The following RTF1 variants were observed in gnomAD, a reference collection of about 807,000 sequenced individuals.
RTF1 encodes the protein RTF1 homolog, Paf1/RNA polymerase II complex component.
RTF1 carries 10 observed loss-of-function variants against 95.7 expected under a neutral mutation model. The observed-to-expected ratio is 0.10, with a 90% confidence interval of 0.06 to 0.18. RTF1 has a LOEUF of 0.18. Among genes scored for constraint, RTF1 ranks in the 10% least tolerant of loss-of-function variants. RTF1 has a pLI of 1.00. For missense variants in RTF1, 458 were observed against 875.6 expected, an observed-to-expected ratio of 0.52 and a Z score of 6.02; for synonymous variants, 305 against 311.8, an observed-to-expected ratio of 0.98 and a Z score of 0.23.
At chr15:41,432,625 T>A (rs2050681088) in intron 1 of RTF1, among the ~76,000 whole-genome samples, 1 of 152,060 alleles carries the variant, frequency 6.6e-6, no homozygotes, top group African/African-American at 2.4e-5. Flanking sequence ...AAATTTCTCT[T>A]ATAACGAATT....
chr15:41,471,283 T>G lies in RTF1; in HGVS notation c.1137T>G (p.Ala379=). The change falls in exon 8 of 18, where the codon GCT becomes GCG. Residue 379 remains alanine (A), a synonymous_variant. Transcript: ENST00000389629. ...LERWCHMPFF[A]KTVTGCFVRI... ...GCTGGTGTCACATGCCCTTCTTTGCTAAAACTGTCACAGGATGTTTTGTGC... is the reference window on the plus strand; with the variant it reads ...GCTGGTGTCACATGCCCTTCTTTGCGAAAACTGTCACAGGATGTTTTGTGC... 6.2e-7 allele frequency: 1 copy of G among 1,614,084 alleles called. No individual in the cohort carries two copies. The highest frequency in any genetic ancestry group is 8.5e-7 in the Non-Finnish European group (1 of 1,180,022).
At chr15:41,462,038 AACCACCACCCCCAGCTTCAGTG>A (rs1376194043) in intron 4 of RTF1, among the ~76,000 whole-genome samples, 1 of 151,514 alleles carries the variant, frequency 6.6e-6, no homozygotes, top group African/African-American at 2.4e-5. Context: ...TACAGGTGTG[AACCACCACCCCCAGCTTCAGTG>A]ACTTTTTTTA....
At chr15:41,430,174 ATTTT>A (rs773433000) in intron 1 of RTF1, among the ~76,000 whole-genome samples, 1 of 110,256 alleles carries the variant, frequency 9.1e-6, no homozygotes, top group East Asian at 2.6e-4. Context: ...TGTCTGGCTA[ATTTT>A]TTTTTTTTTT....
chr15:41,462,022 TG>T (rs1317307022), intron 4 of RTF1, among the ~76,000 whole-genome samples: 1 of 151,950 alleles, frequency 6.6e-6, no homozygotes, highest in East Asian at 1.9e-4. Context: ...CCCAAAATGC[TG>T]GGGTTACAGG....
At chr15:41,454,220 G>C (rs984064504) in intron 3 of RTF1, among the ~76,000 whole-genome samples, 2 of 151,956 alleles carry the variant, frequency 1.3e-5, no homozygotes, top group African/African-American at 4.8e-5. Context: ...GCCTCAAGCA[G>C]CTGGGATTAC....
At chr15:41,470,789 G>C (rs1301737869) in intron 7 of RTF1, among the ~76,000 whole-genome samples, 1 of 149,818 alleles carries the variant, frequency 6.7e-6, no homozygotes, top group Non-Finnish European at 1.5e-5. Flanking sequence ...CTCCCAAGTA[G>C]CTGGGACTAT....
At chr15:41,476,229 T>C (rs1376806306) in intron 11 of RTF1, among the ~76,000 whole-genome samples, 1 of 152,170 alleles carries the variant, frequency 6.6e-6, no homozygotes. Flanking sequence ...TCTTGGTGCA[T>C]GTTCCTTCAG....
intron 1 of RTF1, among the ~76,000 whole-genome samples, chr15:41,431,276 G>A (rs543452910): frequency 1.4e-5 from 2 of 146,662 alleles, no homozygotes; most frequent in Admixed American, 7.0e-5. Flanking sequence ...GTGCAGTGGT[G>A]CAATCTCGGC....
intron 9 of RTF1, 121 bp from the exon 10 acceptor site, chr15:41,475,404 G>C: frequency 1.4e-6 from 1 of 735,520 alleles, no homozygotes; most frequent in East Asian, 2.6e-5. Flanking sequence ...TTATAGGGTA[G>C]CTAGGATTGA....
At chr15:41,455,319 A>C (rs990608619) in intron 3 of RTF1, among the ~76,000 whole-genome samples, 20 of 152,006 alleles carry the variant, frequency 1.3e-4, no homozygotes, top group Non-Finnish European at 2.8e-4. Flanking sequence ...TCTCCAAAAA[A>C]AAAAAAAAGA....
chr15:41,432,710 G>A (rs541233006), intron 1 of RTF1, among the ~76,000 whole-genome samples: 12 of 151,988 alleles, frequency 7.9e-5, no homozygotes, highest in African/African-American at 2.4e-4. Context: ...AGGCCAAGGC[G>A]GCGGCTCACC....
At chr15:41,474,191 TTTGTTTTATTC>T (rs2050930668) in intron 8 of RTF1, among the ~76,000 whole-genome samples, 1 of 152,180 alleles carries the variant, frequency 6.6e-6, no homozygotes, top group African/African-American at 2.4e-5. Flanking sequence ...TTGTTTTTGT[TTTGTTTTATTC>T]TTGTCTGGTT....
chr15:41,449,154 G>A (rs1444322113), intron 2 of RTF1, among the ~76,000 whole-genome samples: 1 of 151,770 alleles, frequency 6.6e-6, no homozygotes, highest in East Asian at 1.9e-4. Context: ...AAAGTGCTAG[G>A]ATTTCAGGCG....
At chr15:41,425,673 T>C (rs2050625253) in intron 1 of RTF1, among the ~76,000 whole-genome samples, 1 of 152,174 alleles carries the variant, frequency 6.6e-6, no homozygotes, top group African/African-American at 2.4e-5. Context: ...AGTGCCTATA[T>C]GCAGTTGGCA....
At chr15:41,435,016 A>C (rs1171215844) in intron 1 of RTF1, among the ~76,000 whole-genome samples, 1 of 149,162 alleles carries the variant, frequency 6.7e-6, no homozygotes, top group Admixed American at 6.8e-5. Flanking sequence ...GCTGGAGTGC[A>C]GTGGCGTGAT....
rs1280196419 is a variant in RTF1 at position 41,457,900 on chromosome 15, C to CT, written c.662+24_662+25insT. ...AGGTAAGGTTGTCCTCGTCGTTGTC[C>CT]CCCCCCCGCCCCCACCTTTTCTGTT... On this transcript the variant is annotated intron_variant, in intron 4 of 17. Transcript: ENST00000389629. 4 of 1,342,566 alleles carry CT rather than the reference C, an allele frequency of 3.0e-6. No individual in the cohort carries two copies. In the South Asian group the frequency reaches 4.8e-5, roughly 16 times the overall value. The allele number at this position is 1,342,566 out of a possible 1,614,324, so 83.2% of individuals were successfully genotyped here.
At chr15:41,478,491 G>A in intron 14 of RTF1, 57 bp from the exon 15 acceptor site, 1 of 1,277,332 alleles carries the variant, frequency 7.8e-7, no homozygotes, top group Non-Finnish European at 1.1e-6. Context: ...GTGAGCTTAT[G>A]GTGAATGAGA....
At chr15:41,421,346 C>T (rs564919730) in intron 1 of RTF1, among the ~76,000 whole-genome samples, 11 of 151,978 alleles carry the variant, frequency 7.2e-5, no homozygotes, top group Middle Eastern at 3.4e-3. Flanking sequence ...ATCCCAGTTA[C>T]TCAGAAGGCT....
chr15:41,456,443 C>T (rs865884692), intron 3 of RTF1, among the ~76,000 whole-genome samples: 3 of 149,146 alleles, frequency 2.0e-5, no homozygotes, highest in Non-Finnish European at 3.0e-5. Flanking sequence ...GAGTCGAGAT[C>T]GTGCCACTGC....
Sources: allele counts gnomAD v4.1 joint callset (sites outside exome capture counted in the v4.1 genomes callset), GRCh38; gene constraint gnomAD v4.1.1; transcripts MANE v1.5; gene names NCBI Gene and HGNC (gene_info 2026-07-23, HGNC 2026-07-21).